Variants in TMEM200A observed in about 807,000 individuals in gnomAD.
The protein encoded by TMEM200A is two transmembrane C.
TMEM200A carries 12 observed loss-of-function variants against 24.3 expected under a neutral mutation model. The observed-to-expected ratio is 0.49, with a 90% CI of 0.32 to 0.80. The LOEUF (loss-of-function observed/expected upper bound fraction) is 0.80. Ranked by LOEUF, TMEM200A falls within the 30% of genes least tolerant of loss-of-function variation. The pLI, the probability that TMEM200A is intolerant of heterozygous loss-of-function variation, is 0.04. For synonymous variants in TMEM200A, 224 were observed against 224.4 expected (o/e 1.00, Z 0.02); for missense variants, 545 against 614.4 (o/e 0.89, Z 1.19).
At chr6:130,390,972 G>A (rs1268660740) in intron 2 of TMEM200A, among the ~76,000 whole-genome samples, 2 of 152,180 alleles carry the variant, frequency 1.3e-5, no homozygotes, top group African/African-American at 4.8e-5. Context: ...TGCTAGTAGT[G>A]CTCTACCCCA....
upstream of TMEM200A, chr6:130,365,668 G>T: frequency 1.0e-6 from 1 of 985,514 alleles, no homozygotes; most frequent in Non-Finnish European, 1.2e-6. Context: ...CCACGGGTGG[G>T]TGTGTCCGTT....
chr6:130,385,470 C>G (rs1434528143), intron 2 of TMEM200A, among the ~76,000 whole-genome samples: 3 of 152,124 alleles, frequency 2.0e-5, no homozygotes, highest in Non-Finnish European at 4.4e-5. Flanking sequence ...AGAGATAGGT[C>G]TCTGCTCTGG....
At chr6:130,418,647 A>C (rs1019625270) in intron 2 of TMEM200A, among the ~76,000 whole-genome samples, 1 of 152,162 alleles carries the variant, frequency 6.6e-6, no homozygotes, top group African/African-American at 2.4e-5. Flanking sequence ...ACATTTAGTC[A>C]TGACAGCAAT....
intron 2 of TMEM200A, chr6:130,438,809 C>T (rs1209896112): frequency 6.6e-6 from 1 of 152,152 alleles, no homozygotes; most frequent in Non-Finnish European, 1.5e-5. Flanking sequence ...CCATAGAAAA[C>T]TTGCTATTAT....
At chr6:130,422,404 G>A (rs146800838) in intron 2 of TMEM200A, among the ~76,000 whole-genome samples, 61 of 152,180 alleles carry the variant, frequency 4.0e-4, no homozygotes, top group African/African-American at 1.5e-3. Flanking sequence ...AAGCAGCTGG[G>A]ACTAAAAATG....
At position 130,423,723 on chromosome 6, in the gene TMEM200A, G is replaced by C. The variant is rs574646397; in HGVS notation, c.-16-16684G>C. On this transcript the variant is annotated intron_variant, in intron 2 of 2. Coordinates refer to ENST00000296978, the MANE Select transcript of TMEM200A (RefSeq NM_001258277.2). ...AGATGATCCAATCTATAGCAATAAA[G>C]AGAAAAAACACCAGAAATTATGCCT... Among the ~76,000 whole-genome samples the C allele has an allele frequency of 3.9e-5, 6 of 152,072 alleles. No homozygotes were observed. In the South Asian group the frequency reaches 8.3e-4, roughly 21 times the overall value.
At chr6:130,411,673 T>C (rs1779332942) in intron 2 of TMEM200A, among the ~76,000 whole-genome samples, 1 of 152,126 alleles carries the variant, frequency 6.6e-6, no homozygotes, top group Admixed American at 6.6e-5. Context: ...TTTCATAGAG[T>C]GTCTCCTAAG....
In TMEM200A at chr6:130,440,458, C is replaced by T. The variant is rs368801042; in HGVS notation, c.36C>T (p.Ala12=). Residue 12 remains alanine (A), a synonymous_variant, in exon 3 of 3, where the codon GCC becomes GCT. Coordinates refer to ENST00000296978, the MANE Select transcript of TMEM200A (RefSeq NM_001258277.2). ...IATGGVITGL[A]ALKRQDSARS... ...CTGGTGGAGTGATAACTGGCCTGGC[C>T]GCCTTGAAAAGGCAAGACTCTGCCA... The T allele has an allele frequency of 1.4e-5, 23 of 1,599,878 alleles. No homozygotes were observed. The highest frequency in any genetic ancestry group is 5.2e-5 in the Admixed American group (3 of 57,378).
intron 2 of TMEM200A, among the ~76,000 whole-genome samples, chr6:130,393,998 A>G (rs916342893): frequency 1.3e-5 from 2 of 152,140 alleles, no homozygotes; most frequent in Non-Finnish European, 2.9e-5. Flanking sequence ...TGGAATGATG[A>G]ATGAGTTTCT....
rs940455016 is a variant in TMEM200A, at chr6:130,366,362, C to G, written c.-243C>G. The G allele has an allele frequency of 6.1e-6, 6 of 985,362 alleles. No individual in the cohort carries two copies. The highest frequency in any genetic ancestry group is 5.2e-5 in the African/African-American group (3 of 57,340). 61.0% of individuals were successfully genotyped at this position (985,362 alleles called of 1,614,324 possible). ...CGAGCCCTGGGATGGGGAGGGAGACCGCGGCTGCCCGCGGCGGCCGAGATT... is the reference window on the plus strand; with the variant it reads ...CGAGCCCTGGGATGGGGAGGGAGACGGCGGCTGCCCGCGGCGGCCGAGATT... On this transcript the variant is annotated 5_prime_UTR_variant, in exon 1 of 3. Transcript: ENST00000296978. This position sits in a 1 kb window ranked among gnomAD's most constrained non-coding sequence, Gnocchi z 4.4.
intron 2 of TMEM200A, among the ~76,000 whole-genome samples, chr6:130,388,515 T>C (rs371504695): frequency 4.6e-5 from 7 of 152,344 alleles, no homozygotes; most frequent in African/African-American, 1.7e-4. Context: ...GATTCTCGCT[T>C]GTACATGTTT....
rs151175013 is a variant in TMEM200A at position 130,369,978 on chromosome 6, A to G, written c.-81+3454A>G. On this transcript the variant is annotated intron_variant, in intron 1 of 2. Coordinates refer to ENST00000296978, the MANE Select transcript of TMEM200A (RefSeq NM_001258277.2). Reference sequence around the variant, plus strand: ...CAGGATTCATTTGCTTGCATGTGTGAATATTTAACTAGGTAAAGCAAAAAA... The same window carrying G: ...CAGGATTCATTTGCTTGCATGTGTGGATATTTAACTAGGTAAAGCAAAAAA... Among the ~76,000 whole-genome samples, 20 of 152,336 alleles carry G rather than the reference A, an allele frequency of 1.3e-4. 2 individuals are homozygous for G. In the East Asian group the frequency reaches 3.9e-3, roughly 29 times the overall value.
chr6:130,441,253 C>T lies in TMEM200A; in HGVS notation c.831C>T (p.Thr277=). ...CCAGCGGCTCTAAGAAATGTGAAAC[C>T]AAGTCAATTGTGTCATCGTCCATCA... The part of the protein sequence containing the change: ...DKTSGSKKCE[T]KSIVSSSISA... Residue 277 remains threonine, a synonymous_variant, in exon 3 of 3, where the codon ACC becomes ACT. Transcript: ENST00000296978. 1.2e-6 allele frequency: 2 copies of T among 1,614,094 alleles called. No individual in the cohort carries two copies. The highest frequency in any genetic ancestry group is 1.7e-6 in the Non-Finnish European group (2 of 1,179,994).
intron 2 of TMEM200A, among the ~76,000 whole-genome samples, chr6:130,428,757 T>C (rs1779805721): frequency 6.6e-6 from 1 of 152,176 alleles, no homozygotes; most frequent in Non-Finnish European, 1.5e-5. Context: ...AGGCAAACAA[T>C]ACTATGTCAA....
At chr6:130,375,818 G>A (rs1010746188) in intron 1 of TMEM200A, among the ~76,000 whole-genome samples, 1 of 152,078 alleles carries the variant, frequency 6.6e-6, no homozygotes, top group Non-Finnish European at 1.5e-5. Context: ...GATGAAGAGT[G>A]CAAAGTATTA....
At chr6:130,430,873 C>T (rs527256151) in intron 2 of TMEM200A, among the ~76,000 whole-genome samples, 9 of 152,222 alleles carry the variant, frequency 5.9e-5, no homozygotes, top group East Asian at 1.9e-4. Flanking sequence ...ATTTTAAGAA[C>T]GCTTTACTAT....
chr6:130,365,590 C>A, upstream of TMEM200A: 1 of 985,424 alleles, frequency 1.0e-6, no homozygotes, highest in Non-Finnish European at 1.2e-6. Context: ...CCCAGCCGCT[C>A]CGGAGAACTG....
intron 1 of TMEM200A, among the ~76,000 whole-genome samples, chr6:130,384,088 C>G (rs184487492): frequency 3.9e-5 from 6 of 152,188 alleles, no homozygotes; most frequent in Admixed American, 3.9e-4. Flanking sequence ...ACACTGCACT[C>G]CAGCCTGAGT....
chr6:130,418,026 C>A (rs1037171142), intron 2 of TMEM200A, among the ~76,000 whole-genome samples: 1 of 152,134 alleles, frequency 6.6e-6, no homozygotes, highest in Non-Finnish European at 1.5e-5. Flanking sequence ...GCAGTATTGG[C>A]CTAGTGTCCA....
Sources: gnomAD v4.1 joint callset for allele counts (sites outside exome capture counted in the v4.1 genomes callset) on GRCh38, gnomAD v4.1.1 for gene constraint, Gnocchi (gnomAD v3.1) non-coding constraint, MANE v1.5 for transcripts, NCBI Gene and HGNC (gene_info 2026-07-23, HGNC 2026-07-21) for gene names.